Variants in GCKR observed in about 807,000 individuals in gnomAD.
GCKR encodes the protein glucokinase regulator.
Under a neutral mutation model 82.9 loss-of-function variants are expected in GCKR, and 73 were observed. The observed-to-expected ratio is 0.88, with a 90% CI of 0.73 to 1.07. The LOEUF is 1.07. Ranked by LOEUF, GCKR falls within the 50% of genes least tolerant of loss-of-function variation. GCKR has a pLI of 0.00. For missense variants in GCKR, 784 were observed against 782.1 expected, an observed-to-expected ratio of 1.00 and a Z score of -0.03; for synonymous variants, 294 against 291.8, an observed-to-expected ratio of 1.01 and a Z score of -0.08.
chr2:27,497,400 G>A lies in GCKR; in HGVS notation c.216+1G>A. 3.1e-6 allele frequency: 5 copies of A among 1,613,212 alleles called. No homozygotes were observed. The highest frequency in any genetic ancestry group is 4.2e-6 in the Non-Finnish European group (5 of 1,180,032). On this transcript the variant is annotated splice_donor_variant, in intron 2 of 18. Transcript: ENST00000264717. LOFTEE classifies it high-confidence loss of function. ...GGGGCAAGCCCTGTCCACATACCAG[G>A]TAACCAAGACCCAAGACCTGGACCC... is the stretch of plus-strand genomic sequence containing the variant.
chr2:27,504,800 G>A (rs1249440557), intron 9 of GCKR, among the ~76,000 whole-genome samples: 2 of 152,078 alleles, frequency 1.3e-5, no homozygotes, highest in Non-Finnish European at 2.9e-5. Flanking sequence ...CACAGAAAAT[G>A]GTGGAAGTGG....
At chr2:27,522,711 C>A (rs1670180972) in intron 18 of GCKR, 117 bp downstream of exon 18, 1 of 852,300 alleles carries the variant, frequency 1.2e-6, no homozygotes, top group African/African-American at 1.6e-5. Flanking sequence ...ACAAGGACCT[C>A]CACATTCATG....
At chr2:27,504,468 C>G (rs1001299195) in intron 9 of GCKR, among the ~76,000 whole-genome samples, 2 of 151,834 alleles carry the variant, frequency 1.3e-5, no homozygotes, top group African/African-American at 4.8e-5. Flanking sequence ...AGCGATTTTC[C>G]TGCCTCAGTC....
chr2:27,503,522 C>G lies in GCKR; in HGVS notation c.653C>G (p.Pro218Arg). ...GTCTCTCTGGACCTCAGAAATGACCCCATTGAAGACTGGAGTTCAACATTC... is the reference window on the plus strand; with the variant it reads ...GTCTCTCTGGACCTCAGAAATGACCGCATTGAAGACTGGAGTTCAACATTC... ...FNPVSMARND[P>R]IEDWSSTFRQ... The change falls in exon 9 of 19, where the codon CCC (proline) becomes CGC (arginine). Residue 218 changes from proline to arginine, a missense_variant. Physicochemically the swap from Pro to Arg is moderately radical, Grantham distance 103. Transcript: ENST00000264717. The G allele has an allele frequency of 1.3e-6, 2 of 1,566,546 alleles. No homozygotes were observed. Among genetic ancestry groups the G allele is most frequent in the Non-Finnish European group, 1.8e-6 (2 of 1,136,566 alleles).
intron 16 of GCKR, among the ~76,000 whole-genome samples, chr2:27,513,278 C>A (rs1558440545): frequency 6.6e-6 from 1 of 152,092 alleles, no homozygotes; most frequent in Non-Finnish European, 1.5e-5. Flanking sequence ...CATCTGTAAT[C>A]CCAGCACTTT....
chr2:27,518,658 A>G (rs1670068518), intron 16 of GCKR, 130 bp from the exon 17 acceptor site: 1 of 810,238 alleles, frequency 1.2e-6, no homozygotes, highest in Non-Finnish European at 2.2e-6. Context: ...GGGCTGCTCA[A>G]ACAAATCATG....
intron 8 of GCKR, 43 bp from the exon 9 acceptor site, chr2:27,503,471 C>A: frequency 9.5e-7 from 1 of 1,051,214 alleles, no homozygotes; most frequent in Non-Finnish European, 1.5e-6. Flanking sequence ...TCTTTGAGAT[C>A]CTCATAGACA....
chr2:27,501,041 ACAAG>A, intron 7 of GCKR, 90 bp from the exon 8 acceptor site: 1 of 901,140 alleles, frequency 1.1e-6, no homozygotes, highest in African/African-American at 1.6e-5. Context: ...TGCATTTTGA[ACAAG>A]CATTCTGAAG....
chr2:27,501,597 CT>C (rs910341303), intron 8 of GCKR: 38 of 399,386 alleles, frequency 9.5e-5, no homozygotes, highest in African/African-American at 6.5e-4. Context: ...CCCCAAGCAC[CT>C]TTTCAAAGTA....
In GCKR at chr2:27,523,413, G is replaced by A. The variant is rs1181853644; in HGVS notation, c.1852G>A (p.Glu618Lys). ...TCAGAAGCGCACTGCGGACCCCCTC[G>A]AGATCCTAGAGCCTGACGTTCAGTG... ...PGQKRTADPL[E>K]ILEPDVQ The change falls in exon 19 of 19, where the codon GAG becomes AAG. Residue 618 changes from glutamate to lysine, a missense_variant. Glu to Lys is a moderately conservative substitution (Grantham distance 56). Coordinates refer to ENST00000264717, the MANE Select transcript of GCKR (RefSeq NM_001486.4). 2.5e-6 allele frequency: 4 copies of A among 1,608,796 alleles called. No individual in the cohort carries two copies. The highest frequency in any genetic ancestry group is 1.3e-5 in the African/African-American group (1 of 74,908).
At position 27,523,446 on chromosome 2, in the gene GCKR, G is replaced by A. The variant is rs762474571; in HGVS notation, c.*7G>A. The A allele has an allele frequency of 1.9e-6, 3 of 1,603,734 alleles. No individual in the cohort carries two copies. The highest frequency in any genetic ancestry group is 2.5e-6 in the Non-Finnish European group (3 of 1,179,872). On this transcript the variant is annotated 3_prime_UTR_variant, in exon 19 of 19. Transcript: ENST00000264717. ...AGAGCCTGACGTTCAGTGAACCCAT[G>A]TTTCTGGGTGGGTGAAAGGGGCCCA...
chr2:27,498,251 T>A lies in GCKR; in HGVS notation c.286-4T>A, dbSNP rs749842969. The A allele has an allele frequency of 1.9e-6, 3 of 1,611,418 alleles. No homozygotes were observed. The African/African-American group carries it at 4.0e-5, about 21-fold the overall frequency. ...TGGTAATATATGCCTCTTTCCTTCTTCAGGAGCCAGATGGGGGGCTGGTTG... is the reference window on the plus strand; with the variant it reads ...TGGTAATATATGCCTCTTTCCTTCTACAGGAGCCAGATGGGGGGCTGGTTG... On this transcript the variant is annotated splice_polypyrimidine_tract_variant and splice_region_variant and intron_variant, in intron 3 of 18. Transcript: ENST00000264717.
intron 16 of GCKR, among the ~76,000 whole-genome samples, chr2:27,516,790 C>T (rs533116175): frequency 1.3e-5 from 2 of 152,274 alleles, no homozygotes; most frequent in East Asian, 1.9e-4. Context: ...CAGTCTGACA[C>T]GCACCCTATA....
chr2:27,500,349 G>A (rs556933456), intron 7 of GCKR, among the ~76,000 whole-genome samples: 2 of 152,298 alleles, frequency 1.3e-5, no homozygotes, highest in East Asian at 1.9e-4. Flanking sequence ...TGTTGGCCAG[G>A]CTAGTCTTGA....
intron 16 of GCKR, 56 bp downstream of exon 16, chr2:27,508,307 C>G: frequency 8.5e-7 from 1 of 1,172,794 alleles, no homozygotes. Flanking sequence ...GTGAGGGATT[C>G]CAAGAATCAA....
chr2:27,505,508 C>G (rs1669703677), intron 9 of GCKR, among the ~76,000 whole-genome samples: 2 of 152,000 alleles, frequency 1.3e-5, no homozygotes, highest in South Asian at 4.2e-4. Flanking sequence ...ACTTCCTCTC[C>G]AGAAAGTCCT....
rs777420998 is a variant in GCKR, at chr2:27,497,355, G to A, written c.172G>A (p.Ala58Thr). The A allele has an allele frequency of 9.3e-6, 15 of 1,614,076 alleles. No homozygotes were observed. The East Asian group carries it at 2.7e-4, about 29-fold the overall frequency. ...TGTTCGACTGCTAGGGCAATGTGAT[G>A]CTGAGATCTTCCAGGAGGAGGGGCA... is the stretch of plus-strand genomic sequence containing the variant. ...NIVRLLGQCDAEIFQEEGQAL... is the reference protein window; with the variant it reads ...NIVRLLGQCDTEIFQEEGQAL... The change falls in exon 2 of 19, where the codon GCT (alanine) becomes ACT (threonine). Residue 58 changes from alanine to threonine, a missense_variant. Coordinates refer to ENST00000264717, the MANE Select transcript of GCKR (RefSeq NM_001486.4).
intron 16 of GCKR, among the ~76,000 whole-genome samples, chr2:27,518,293 A>G (rs1359738812): frequency 2.0e-5 from 3 of 152,148 alleles, no homozygotes; most frequent in Non-Finnish European, 4.4e-5. Flanking sequence ...TGATCCCCCA[A>G]CCTTGGCCTC....
At chr2:27,506,319 G>A (rs547813103) in intron 10 of GCKR, among the ~76,000 whole-genome samples, 162 bp from the exon 11 acceptor site, 1 of 152,256 alleles carries the variant, frequency 6.6e-6, no homozygotes, top group East Asian at 1.9e-4. Context: ...AGCCCTTGCT[G>A]CCCCTTCGGA....
Sources: allele counts gnomAD v4.1 joint callset (sites outside exome capture counted in the v4.1 genomes callset), GRCh38; gene constraint gnomAD v4.1.1; transcripts MANE v1.5; gene names NCBI Gene and HGNC (gene_info 2026-07-23, HGNC 2026-07-21).